PRSS38: variants seen among roughly 807,000 people sequenced by gnomAD.
PRSS38 encodes serine protease 38.
A neutral mutation model predicts 26.8 loss-of-function variants in PRSS38; 22 were observed. The observed-to-expected ratio is 0.82, with a 90% CI of 0.59 to 1.17. The LOEUF is 1.17. Among genes scored for constraint, PRSS38 ranks in the 50% most tolerant of loss-of-function variants. The pLI is 0.00. For synonymous variants in PRSS38, 175 were observed against 172.1 expected (o/e 1.02, Z -0.13); for missense variants, 427 against 422.7 (o/e 1.01, Z -0.09).
At chr1:227,824,312 A>G (rs1190999911) in intron 3 of PRSS38, among the ~76,000 whole-genome samples, 1 of 152,124 alleles carries the variant, frequency 6.6e-6, no homozygotes. Flanking sequence ...TATGAGTGAG[A>G]ACATGTGATG....
chr1:227,830,599 C>T (rs1180595065), intron 3 of PRSS38, among the ~76,000 whole-genome samples: 30 of 149,840 alleles, frequency 2.0e-4, no homozygotes. Context: ...CCTCTGGGTT[C>T]AAGCGATTCT....
chr1:227,837,489 T>C (rs1348301023), intron 3 of PRSS38, among the ~76,000 whole-genome samples: 1 of 152,216 alleles, frequency 6.6e-6, no homozygotes, highest in African/African-American at 2.4e-5. Flanking sequence ...CTTCTCTCCA[T>C]AGTCCTGCTA....
chr1:227,823,303 GATAT>G (rs545878394), intron 3 of PRSS38, among the ~76,000 whole-genome samples: 12 of 151,508 alleles, frequency 7.9e-5, no homozygotes, highest in African/African-American at 2.7e-4. Context: ...TGGTGTGTAT[GATAT>G]ATATTATTTA....
chr1:227,828,833 C>A (rs1665111542), intron 3 of PRSS38, among the ~76,000 whole-genome samples: 1 of 152,166 alleles, frequency 6.6e-6, no homozygotes, highest in Non-Finnish European at 1.5e-5. Context: ...ACTCCTGGGT[C>A]TCCGTGTGTG....
intron 3 of PRSS38, among the ~76,000 whole-genome samples, chr1:227,843,761 T>C (rs551579858): frequency 3.3e-5 from 5 of 151,454 alleles, no homozygotes; most frequent in African/African-American, 1.2e-4. Context: ...GGCTCAGGCC[T>C]GTAATCCCAG....
chr1:227,846,146 C>T (rs1161811165), exon 5 of PRSS38: 2 of 1,613,722 alleles, frequency 1.2e-6, no homozygotes, highest in East Asian at 2.2e-5. Context: ...TGCTCTCTCT[C>T]CAGCTCTGGG....
intron 3 of PRSS38, among the ~76,000 whole-genome samples, chr1:227,834,876 G>C (rs1349154617): frequency 6.6e-6 from 1 of 152,060 alleles, no homozygotes; most frequent in Admixed American, 6.5e-5. Flanking sequence ...AAAAACTTTT[G>C]TATATCAAAG....
chr1:227,831,288 T>C (rs1384530434), intron 3 of PRSS38, among the ~76,000 whole-genome samples: 2 of 152,356 alleles, frequency 1.3e-5, no homozygotes, highest in Non-Finnish European at 2.9e-5. Flanking sequence ...CTTCAAAGTT[T>C]CTTAATTTTA....
chr1:227,830,248 T>C (rs916275469), intron 3 of PRSS38, among the ~76,000 whole-genome samples: 3 of 152,160 alleles, frequency 2.0e-5, no homozygotes, highest in African/African-American at 7.2e-5. Flanking sequence ...TGAATTTTTC[T>C]TGTGATGTTT....
At chr1:227,843,319 A>C (rs534001931) in intron 3 of PRSS38, among the ~76,000 whole-genome samples, 61 of 152,336 alleles carry the variant, frequency 4.0e-4, no homozygotes, top group Middle Eastern at 3.4e-3. Flanking sequence ...CCAGTTCCAC[A>C]ACAACACATA....
chr1:227,816,686 G>A lies in PRSS38; in HGVS notation c.311+434G>A, dbSNP rs1366994313. On this transcript the variant is annotated intron_variant, in intron 2 of 4. Coordinates refer to ENST00000366757, the Ensembl canonical transcript of PRSS38. This position sits in a 1 kb window ranked among gnomAD's most constrained non-coding sequence, Gnocchi z 5.1. ...CAGCCAGATTCCCACAAGTGAGGCT[G>A]GTCCTCAAGGGCACAGCCAGATTCC... is the stretch of plus-strand genomic sequence containing the variant. 6.6e-6 allele frequency among the ~76,000 whole-genome samples: 1 copy of A among 152,002 alleles called. No individual in the cohort carries two copies. Among genetic ancestry groups the A allele is most frequent in the East Asian group, 1.9e-4 (1 of 5,176 alleles).
chr1:227,843,369 C>A (rs993648138), intron 3 of PRSS38, among the ~76,000 whole-genome samples: 1 of 152,184 alleles, frequency 6.6e-6, no homozygotes, highest in African/African-American at 2.4e-5. Context: ...TTCTCCCACA[C>A]CCAACAAATC....
At chr1:227,845,641 G>T in intron 4 of PRSS38, 29 bp downstream of exon 4, 1 of 1,603,916 alleles carries the variant, frequency 6.2e-7, no homozygotes, top group Non-Finnish European at 8.5e-7. Flanking sequence ...ATGAGACAGA[G>T]GTCATGGGTG....
At chr1:227,846,097 T>C in exon 5 of PRSS38, 1 of 1,614,190 alleles carries the variant, frequency 6.2e-7, no homozygotes, top group Non-Finnish European at 8.5e-7. Flanking sequence ...GGATATGTGA[T>C]AACATAGAAA....
intron 3 of PRSS38, among the ~76,000 whole-genome samples, chr1:227,841,062 G>T (rs1665330871): frequency 6.6e-6 from 1 of 152,224 alleles, no homozygotes; most frequent in Admixed American, 6.5e-5. Context: ...CAAGAATGCT[G>T]CATTATAAAG....
chr1:227,818,701 G>T (rs545405425), intron 3 of PRSS38, among the ~76,000 whole-genome samples: 9 of 116,564 alleles, frequency 7.7e-5, no homozygotes, highest in Admixed American at 6.7e-4. Context: ...AAAAAAAAAC[G>T]TATTTAATGT....
chr1:227,842,100 C>A (rs1465443947), intron 3 of PRSS38, among the ~76,000 whole-genome samples: 1 of 152,128 alleles, frequency 6.6e-6, no homozygotes, highest in Non-Finnish European at 1.5e-5. Context: ...AGGGATGCAC[C>A]CCCCAGGACC....
intron 3 of PRSS38, among the ~76,000 whole-genome samples, chr1:227,828,126 G>C (rs986503657): frequency 2.0e-5 from 3 of 152,154 alleles, no homozygotes; most frequent in African/African-American, 4.8e-5. Flanking sequence ...ATCAATTCTA[G>C]AGTAAGTGCC....
chr1:227,842,399 T>C (rs1474355127), intron 3 of PRSS38, among the ~76,000 whole-genome samples: 1 of 152,160 alleles, frequency 6.6e-6, no homozygotes, highest in Non-Finnish European at 1.5e-5. Flanking sequence ...GGATTCATTC[T>C]AATTCTCAGA....
Sources: allele counts gnomAD v4.1 joint callset (sites outside exome capture counted in the v4.1 genomes callset), GRCh38; gene constraint gnomAD v4.1.1; non-coding constraint Gnocchi (gnomAD v3.1); transcripts MANE v1.5; gene names NCBI Gene and HGNC (gene_info 2026-07-23, HGNC 2026-07-21).